DNAH14: variants seen among roughly 807,000 people sequenced by gnomAD.
The protein encoded by DNAH14 is dynein axonemal heavy chain 14.
A neutral mutation model predicts 520.9 loss-of-function variants in DNAH14; 478 were observed. The observed-to-expected ratio is 0.92, with a 90% CI of 0.85 to 0.99. The LOEUF is 0.99. Ranked by LOEUF, DNAH14 falls within the 50% of genes least tolerant of loss-of-function variation. The pLI is 0.00. For missense variants in DNAH14, 4,831 were observed against 5,234.5 expected, an observed-to-expected ratio of 0.92 and a Z score of 2.38; for synonymous variants, 1,581 against 1,757.2, an observed-to-expected ratio of 0.90 and a Z score of 2.51.
intron 4 of DNAH14, 41 bp downstream of exon 4, chr1:224,960,343 A>G (rs761997816): frequency 4.8e-6 from 7 of 1,461,990 alleles, no homozygotes; most frequent in Non-Finnish European, 4.5e-6. Flanking sequence ...AAATCACTAT[A>G]CTTTTTCAGA....
Position 224,960,089 on chromosome 1 carries a change from G to C in DNAH14, c.218-64G>C, listed in dbSNP as rs192899425. 5.9e-4 allele frequency: 846 copies of C among 1,427,966 alleles called. 3 individuals are homozygous for C. Among genetic ancestry groups the C allele is most frequent in the Non-Finnish European group, 7.4e-4 (789 of 1,068,848 alleles). The allele number at this position is 1,427,966 out of a possible 1,614,324, so 88.5% of individuals were successfully genotyped here. A position where few individuals can be genotyped will look rare whatever the true frequency, so the allele number is the denominator to read the frequency against. On this transcript the variant is annotated intron_variant, in intron 3 of 85. Coordinates refer to ENST00000682510, the MANE Select transcript of DNAH14 (RefSeq NM_001367479.1). ...CATTAACTGTATTGCTGGGTATGTG[G>C]AATTACTATGGTATTATTTACAGCT...
At chr1:224,980,822 G>A (rs2062211655) in intron 8 of DNAH14, among the ~76,000 whole-genome samples, 1 of 152,166 alleles carries the variant, frequency 6.6e-6, no homozygotes. Flanking sequence ...TGGGGCTTGT[G>A]TCACCCCACC....
At chr1:225,174,658 T>G (rs2149253634) in intron 36 of DNAH14, among the ~76,000 whole-genome samples, 1 of 152,336 alleles carries the variant, frequency 6.6e-6, no homozygotes, top group East Asian at 1.9e-4. Flanking sequence ...TTTGGATGTC[T>G]TTTATTCCTT....
chr1:225,015,438 C>T (rs2147948079), intron 10 of DNAH14, among the ~76,000 whole-genome samples: 1 of 152,196 alleles, frequency 6.6e-6, no homozygotes, highest in Middle Eastern at 3.4e-3. Flanking sequence ...ATTGATTTGC[C>T]TCTCTCCTTT....
At chr1:225,335,149 A>ACATGTGCG (rs2094904132) in intron 66 of DNAH14, among the ~76,000 whole-genome samples, 1 of 142,892 alleles carries the variant, frequency 7.0e-6, no homozygotes, top group African/African-American at 2.6e-5. Context: ...GCACATGTGT[A>ACATGTGCG]CATGTGTGCA....
At chr1:225,274,071 T>C (rs371846160) in intron 52 of DNAH14, among the ~76,000 whole-genome samples, 14 of 152,132 alleles carry the variant, frequency 9.2e-5, no homozygotes, top group African/African-American at 3.1e-4. Flanking sequence ...CTGGGTCAAA[T>C]GGTAGTTCTG....
At chr1:225,263,062 A>C (rs190911730) in intron 46 of DNAH14, among the ~76,000 whole-genome samples, 2 of 151,932 alleles carry the variant, frequency 1.3e-5, no homozygotes, top group Non-Finnish European at 2.9e-5. Flanking sequence ...AAAATGTTTT[A>C]AGTTCCCAAG....
chr1:225,265,954 T>G (rs909700055), intron 48 of DNAH14, among the ~76,000 whole-genome samples: 1 of 152,016 alleles, frequency 6.6e-6, no homozygotes, highest in African/African-American at 2.4e-5. Flanking sequence ...AGTTACAAAT[T>G]AGGTAATTAC....
At chr1:225,012,097 C>T (rs962957684) in intron 10 of DNAH14, among the ~76,000 whole-genome samples, 2 of 152,032 alleles carry the variant, frequency 1.3e-5, no homozygotes, top group African/African-American at 4.8e-5. Context: ...ACCGGTTTTT[C>T]CTTTCCATAT....
chr1:225,173,112 G>A (rs958131939), intron 36 of DNAH14, among the ~76,000 whole-genome samples: 3 of 152,158 alleles, frequency 2.0e-5, no homozygotes, highest in African/African-American at 7.2e-5. Context: ...ATTAATTCAA[G>A]ATGGATTAAA....
intron 4 of DNAH14, among the ~76,000 whole-genome samples, chr1:224,962,991 C>T (rs1317614520): frequency 1.3e-5 from 2 of 152,028 alleles, no homozygotes; most frequent in Non-Finnish European, 2.9e-5. Context: ...AATTTTTTGC[C>T]AGTCTGAGTG....
At chr1:225,387,715 T>A (rs922385406) in intron 81 of DNAH14, among the ~76,000 whole-genome samples, 2 of 151,628 alleles carry the variant, frequency 1.3e-5, no homozygotes, top group African/African-American at 4.9e-5. Context: ...GTGCAGGGAG[T>A]GAGGCTTGAG....
In DNAH14 at chr1:225,206,108, GT is replaced by G. The variant is rs1288438202; in HGVS notation, c.6116del (p.Val2039GlyfsTer40). On this transcript the variant is annotated frameshift_variant, in exon 40 of 86. Coordinates refer to ENST00000682510, the MANE Select transcript of DNAH14 (RefSeq NM_001367479.1). LOFTEE classifies it high-confidence loss of function. ...ERIALTNKIR[V>X]IFEVDNLSQA... ...AATAGCTTTAACTAATAAAATAAGA[GT>G]GATTTTTGAAGTGGACAATCTCTCT... 6.4e-7 allele frequency: 1 copy of G among 1,551,356 alleles called. No homozygotes were observed. The highest frequency in any genetic ancestry group is 8.7e-7 in the Non-Finnish European group (1 of 1,146,842).
At chr1:225,190,460 TA>T (rs1490778598) in intron 37 of DNAH14, among the ~76,000 whole-genome samples, 1 of 152,004 alleles carries the variant, frequency 6.6e-6, no homozygotes, top group Non-Finnish European at 1.5e-5. Context: ...ACTTAAAACT[TA>T]CAAATTGTTT....
At chr1:225,324,146 T>A in intron 62 of DNAH14, 76 bp from the exon 63 acceptor site, 2 of 1,491,460 alleles carry the variant, frequency 1.3e-6, no homozygotes, top group South Asian at 2.5e-5. Flanking sequence ...AAAATTTCAA[T>A]CTAGTGTAGA....
At chr1:225,395,460 C>T (rs182341137) in intron 84 of DNAH14, among the ~76,000 whole-genome samples, 6 of 151,862 alleles carry the variant, frequency 4.0e-5, no homozygotes, top group East Asian at 1.9e-4. Flanking sequence ...GGCGTAGTGG[C>T]GGGCGCCTGT....
chr1:225,293,566 CAGAA>C (rs1055412108), intron 55 of DNAH14, among the ~76,000 whole-genome samples: 12 of 152,036 alleles, frequency 7.9e-5, no homozygotes, highest in African/African-American at 2.9e-4. Flanking sequence ...AACACAGGAA[CAGAA>C]AACCATATAC....
chr1:225,103,089 G>C (rs2075667145), intron 23 of DNAH14, among the ~76,000 whole-genome samples: 1 of 152,156 alleles, frequency 6.6e-6, no homozygotes, highest in Non-Finnish European at 1.5e-5. Context: ...AACAGATCCA[G>C]TTTCAGCTTT....
At position 225,192,845 on chromosome 1, in the gene DNAH14, C is replaced by T. The variant is rs761140589; in HGVS notation, c.5820C>T (p.Asn1940=). 206 of 1,549,610 alleles carry T rather than the reference C, an allele frequency of 1.3e-4. 2 individuals carry two copies. Among genetic ancestry groups the T allele is most frequent in the Non-Finnish European group, 1.7e-4 (192 of 1,145,816 alleles). Residue 1940 remains asparagine (N), a synonymous_variant, in exon 38 of 86, where the codon AAC becomes AAT. Transcript: ENST00000682510. ...CAATTCGAAGTTATGTATATTTTAA[C>T]ACACCAAAGAACACAAAGAAAGACA... ...SATIRSYVYF[N]TPKNTKKDID...
Sources: allele counts gnomAD v4.1 joint callset (sites outside exome capture counted in the v4.1 genomes callset), GRCh38; gene constraint gnomAD v4.1.1; transcripts MANE v1.5; gene names NCBI Gene and HGNC (gene_info 2026-07-23, HGNC 2026-07-21).